The following DTL variants were observed in gnomAD, a reference collection of about 807,000 sequenced individuals.
DTL encodes denticleless E3 ubiquitin protein ligase adapter, also known as denticleless protein homolog.
A neutral mutation model predicts 87.0 loss-of-function variants in DTL; 46 were observed. The observed-to-expected ratio is 0.53, with a 90% CI of 0.42 to 0.68. DTL has a LOEUF of 0.68. Ranked by LOEUF, DTL falls within the 30% of genes least tolerant of loss-of-function variation. The pLI is 0.00. For synonymous variants in DTL, 308 were observed against 311.2 expected (o/e 0.99, Z 0.11); for missense variants, 737 against 869.4 (o/e 0.85, Z 1.91).
intron 6 of DTL, 71 bp downstream of exon 6, chr1:212,063,020 G>A (rs886940130): frequency 1.6e-6 from 2 of 1,214,436 alleles, no homozygotes; most frequent in Admixed American, 3.5e-5. Flanking sequence ...GAAAGAGTTA[G>A]TGATTTCATC....
chr1:212,068,406 T>G, intron 9 of DTL, 79 bp downstream of exon 9: 2 of 1,005,194 alleles, frequency 2.0e-6, no homozygotes. Flanking sequence ...TCCAGTAACA[T>G]TGATATGAAA....
chr1:212,065,072 T>C, intron 7 of DTL, 43 bp downstream of exon 7: 1 of 1,362,444 alleles, frequency 7.3e-7, no homozygotes, highest in South Asian at 1.2e-5. Context: ...ATCTTATCTG[T>C]AGGATAGAAT....
In DTL at chr1:212,054,098, A is replaced by G. The variant is rs575916891; in HGVS notation, c.460+6681A>G. On this transcript the variant is annotated intron_variant, in intron 5 of 14. Coordinates refer to ENST00000366991, the MANE Select transcript of DTL (RefSeq NM_016448.4). ...AAGACTGTCACACCTACAGGAGGGCAGTGGATCTTATCTCAATTATTTTCT... is the reference window on the plus strand; with the variant it reads ...AAGACTGTCACACCTACAGGAGGGCGGTGGATCTTATCTCAATTATTTTCT... Among the ~76,000 whole-genome samples, 29 of 152,304 alleles carry G rather than the reference A, an allele frequency of 1.9e-4. No individual in the cohort carries two copies. In the South Asian group the frequency reaches 5.8e-3, roughly 30 times the overall value.
At chr1:212,062,407 G>A (rs1200145516) in intron 5 of DTL, among the ~76,000 whole-genome samples, 1 of 130,160 alleles carries the variant, frequency 7.7e-6, no homozygotes, top group Non-Finnish European at 1.6e-5. Context: ...TTTATACTGA[G>A]CCAATACAGT....
intron 3 of DTL, among the ~76,000 whole-genome samples, chr1:212,046,471 G>A (rs2102529667): frequency 6.6e-6 from 1 of 152,212 alleles, no homozygotes; most frequent in Middle Eastern, 3.4e-3. Context: ...GCCCCAGTGT[G>A]TGTTGTTCCC....
rs937789388 is a variant in DTL, at chr1:212,081,894, T to G, written c.1261+1144T>G. Among the ~76,000 whole-genome samples the G allele has an allele frequency of 2.0e-5, 3 of 152,198 alleles. No homozygotes were observed. In the East Asian group the frequency reaches 5.8e-4, roughly 29 times the overall value. On this transcript the variant is annotated intron_variant, in intron 13 of 14. Coordinates refer to ENST00000366991, the MANE Select transcript of DTL (RefSeq NM_016448.4). ...TTGATATGATTATTAAACACCCAAA[T>G]GGACATGTCAGGGAGGCATTTCGAT...
At chr1:212,077,623 T>C (rs774206730) in intron 11 of DTL, 1 of 153,578 alleles carries the variant, frequency 6.5e-6, no homozygotes, top group African/African-American at 2.4e-5. Context: ...ACCAGCTCTG[T>C]TGGGACAAGA....
intron 8 of DTL, 144 bp downstream of exon 8, chr1:212,067,029 A>G (rs1571959816): frequency 1.5e-6 from 1 of 664,986 alleles, no homozygotes; most frequent in East Asian, 2.8e-5. Context: ...GGAGCTATAG[A>G]TCACATTGGA....
chr1:212,046,799 TATACCCA>T (rs1354295700), intron 3 of DTL, among the ~76,000 whole-genome samples: 1 of 152,220 alleles, frequency 6.6e-6, no homozygotes, highest in Non-Finnish European at 1.5e-5. Context: ...CCTTTGGGTA[TATACCCA>T]GTAATGGGAT....
chr1:212,096,645 C>T (rs989128347), intron 13 of DTL, among the ~76,000 whole-genome samples: 1 of 152,142 alleles, frequency 6.6e-6, no homozygotes, highest in African/African-American at 2.4e-5. Context: ...ACCCAAAGAT[C>T]ATTCAGGAGC....
intron 5 of DTL, among the ~76,000 whole-genome samples, chr1:212,055,069 T>C (rs1330010355): frequency 1.3e-5 from 2 of 152,146 alleles, no homozygotes; most frequent in Admixed American, 1.3e-4. Context: ...TGAGATATTA[T>C]AGTGACAGTG....
intron 12 of DTL, among the ~76,000 whole-genome samples, chr1:212,079,837 G>T (rs935252110): frequency 5.3e-5 from 8 of 152,150 alleles, no homozygotes; most frequent in African/African-American, 1.9e-4. Flanking sequence ...TCTCTTGGGG[G>T]CCAAGACTTA....
chr1:212,059,341 C>T (rs1421868717), intron 5 of DTL, among the ~76,000 whole-genome samples: 4 of 151,256 alleles, frequency 2.6e-5, no homozygotes, highest in African/African-American at 9.7e-5. Flanking sequence ...GGGATTTATC[C>T]CAGGAATGCA....
intron 6 of DTL, among the ~76,000 whole-genome samples, chr1:212,064,588 CCT>C (rs1164329649): frequency 1.3e-5 from 2 of 152,304 alleles, no homozygotes; most frequent in East Asian, 3.9e-4. Context: ...AGTCACATTT[CCT>C]CCATGTCATT....
intron 13 of DTL, among the ~76,000 whole-genome samples, chr1:212,091,906 T>C (rs1236363831): frequency 1.3e-5 from 2 of 152,196 alleles, no homozygotes; most frequent in Non-Finnish European, 2.9e-5. Context: ...ATATACACAA[T>C]AAAAATAAAT....
In DTL at chr1:212,062,914, A is replaced by G. The variant is rs750694301; in HGVS notation, c.491A>G (p.Asn164Ser). 1.9e-6 allele frequency: 3 copies of G among 1,613,842 alleles called. No individual in the cohort carries two copies. Among genetic ancestry groups the G allele is most frequent in the Non-Finnish European group, 2.5e-6 (3 of 1,179,752 alleles). The change falls in exon 6 of 15, where the codon AAC (asparagine) becomes AGC (serine). Residue 164 changes from asparagine to serine, a missense_variant. Physicochemically the swap from Asn to Ser is conservative, Grantham distance 46 (BLOSUM62 1). Transcript: ENST00000366991. ...AVFCTGGRDG[N>S]IMVWDTRCNK... ...TTCTGTACGGGTGGAAGAGATGGCA[A>G]CATTATGGTCTGGGATACCAGGTGC...
At chr1:212,062,836 A>T (rs1251262450) in intron 5 of DTL, 48 bp from the exon 6 acceptor site, 1 of 1,473,314 alleles carries the variant, frequency 6.8e-7, no homozygotes, top group East Asian at 2.3e-5. Context: ...TATATGTGTC[A>T]TTGACTGGTT....
At chr1:212,060,007 C>T (rs1488131054) in intron 5 of DTL, among the ~76,000 whole-genome samples, 1 of 151,758 alleles carries the variant, frequency 6.6e-6, no homozygotes, top group East Asian at 1.9e-4. Flanking sequence ...AGTATGAAAC[C>T]GATCAAAGAA....
chr1:212,084,877 G>T (rs1289932503), intron 13 of DTL, among the ~76,000 whole-genome samples: 1 of 152,106 alleles, frequency 6.6e-6, no homozygotes, highest in East Asian at 1.9e-4. Flanking sequence ...ATGGGGGATT[G>T]GATCCAGGAA....
Sources: allele counts gnomAD v4.1 joint callset (sites outside exome capture counted in the v4.1 genomes callset), GRCh38; gene constraint gnomAD v4.1.1; transcripts MANE v1.5; gene names NCBI Gene and HGNC (gene_info 2026-07-23, HGNC 2026-07-21).